Variants in FBXW8 observed in about 807,000 individuals in gnomAD.
The protein encoded by FBXW8 is F-box and WD repeat domain containing 8.
FBXW8 carries 57 observed loss-of-function variants against 65.3 expected under a neutral mutation model. That is an observed-to-expected ratio of 0.87 (90% CI 0.71 to 1.09). FBXW8 has a LOEUF of 1.09. Among genes scored for constraint, FBXW8 ranks in the 50% least tolerant of loss-of-function variants. The probability of loss-of-function intolerance (pLI) is 0.00; values close to 1 mark genes in which losing one functional copy is unlikely to be tolerated. For synonymous variants in FBXW8, 308 were observed against 330.2 expected, an observed-to-expected ratio of 0.93 and a Z score of 0.73; for missense variants, 777 against 814.8, an observed-to-expected ratio of 0.95 and a Z score of 0.57.
At chr12:116,944,903 G>C (rs1882830510) in intron 2 of FBXW8, among the ~76,000 whole-genome samples, 1 of 152,062 alleles carries the variant, frequency 6.6e-6, no homozygotes, top group African/African-American at 2.4e-5. Context: ...TTTTTTACCT[G>C]ACCAGATGTT....
At chr12:116,972,841 C>G (rs893705374) in intron 5 of FBXW8, among the ~76,000 whole-genome samples, 2 of 152,130 alleles carry the variant, frequency 1.3e-5, no homozygotes, top group Non-Finnish European at 2.9e-5. Flanking sequence ...TGTGTCCTGG[C>G]TTTGTTTGCT....
At chr12:116,917,373 C>T (rs1054141814) in intron 1 of FBXW8, among the ~76,000 whole-genome samples, 1 of 152,166 alleles carries the variant, frequency 6.6e-6, no homozygotes, top group Non-Finnish European at 1.5e-5. Context: ...GAGTTAGTTC[C>T]ATTTGAGACT....
intron 8 of FBXW8, among the ~76,000 whole-genome samples, chr12:117,010,968 ACTGGC>A (rs1953791718): frequency 6.6e-6 from 1 of 152,208 alleles, no homozygotes; most frequent in African/African-American, 2.4e-5. Context: ...TCTTTAATGC[ACTGGC>A]TTAGGGAGTC....
intron 2 of FBXW8, among the ~76,000 whole-genome samples, chr12:116,929,273 C>T (rs922727471): frequency 1.3e-5 from 2 of 152,108 alleles, no homozygotes; most frequent in African/African-American, 4.8e-5. Context: ...CTTGCTCTGT[C>T]ACCGAGGCTG....
At chr12:116,924,423 G>A (rs570682233) in intron 1 of FBXW8, among the ~76,000 whole-genome samples, 2 of 152,200 alleles carry the variant, frequency 1.3e-5, no homozygotes, top group South Asian at 2.1e-4. Flanking sequence ...TATTTGTGTT[G>A]TAAACATTCA....
At chr12:116,919,892 G>A (rs1433616258) in intron 1 of FBXW8, among the ~76,000 whole-genome samples, 4 of 152,202 alleles carry the variant, frequency 2.6e-5, no homozygotes, top group African/African-American at 9.7e-5. Context: ...CTGCATCTGT[G>A]TTGCCAACAA....
At chr12:117,018,617 G>A (rs1954015157) in intron 8 of FBXW8, among the ~76,000 whole-genome samples, 1 of 152,160 alleles carries the variant, frequency 6.6e-6, no homozygotes, top group Non-Finnish European at 1.5e-5. Flanking sequence ...AGCCAGAGTG[G>A]TGCTTCTCTA....
At chr12:116,926,950 T>G (rs1455649500) in intron 1 of FBXW8, among the ~76,000 whole-genome samples, 2 of 152,168 alleles carry the variant, frequency 1.3e-5, no homozygotes, top group African/African-American at 2.4e-5. Context: ...ATTTTTTTTT[T>G]GTTTTGAGAC....
intron 6 of FBXW8, chr12:116,985,760 C>T: frequency 1.1e-5 from 2 of 189,470 alleles, no homozygotes; most frequent in Non-Finnish European, 2.2e-5. Context: ...TCAGTTTGAC[C>T]TAATATATAA....
intron 2 of FBXW8, among the ~76,000 whole-genome samples, chr12:116,943,099 C>T (rs1014930478): frequency 5.9e-5 from 9 of 151,936 alleles, no homozygotes; most frequent in Admixed American, 1.3e-4. Flanking sequence ...AGACATTGTT[C>T]TTCTACTTTC....
rs1361587383 is a variant in FBXW8, at chr12:116,988,710, A to G, written c.1080A>G (p.Ala360=). Residue 360 remains alanine, a synonymous_variant, in exon 7 of 11, where the codon GCA becomes GCG. Transcript: ENST00000652555. ...CAGAAACCAGAAGGTACCCTGTGGCAGTAGCCGCTGCTGGAGATCTGATGT... is the reference window on the plus strand; with the variant it reads ...CAGAAACCAGAAGGTACCCTGTGGCGGTAGCCGCTGCTGGAGATCTGATGT... ...IVPETRRYPV[A]VAAAGDLMYL... is the part of the protein sequence containing the mutation. The G allele has an allele frequency of 1.9e-6, 3 of 1,614,184 alleles. No individual in the cohort carries two copies. Among genetic ancestry groups the G allele is most frequent in the Non-Finnish European group, 2.5e-6 (3 of 1,180,038 alleles).
At chr12:117,015,242 C>T (rs370195521) in intron 8 of FBXW8, among the ~76,000 whole-genome samples, 25 of 152,238 alleles carry the variant, frequency 1.6e-4, no homozygotes, top group East Asian at 1.4e-3. Flanking sequence ...CCCTGTACAG[C>T]CACTTCCATG....
intron 7 of FBXW8, among the ~76,000 whole-genome samples, chr12:116,989,543 AG>A (rs1465338181): frequency 6.6e-6 from 1 of 152,246 alleles, no homozygotes; most frequent in Non-Finnish European, 1.5e-5. Context: ...TTGAGCCAAA[AG>A]CAGGAAGACA....
chr12:116,956,182 C>G (rs532183807), intron 4 of FBXW8, among the ~76,000 whole-genome samples: 1 of 152,224 alleles, frequency 6.6e-6, no homozygotes, highest in South Asian at 2.1e-4. Flanking sequence ...ATTTTCTCCC[C>G]TGGTTTCCGC....
Position 116,949,657 on chromosome 12 carries a change from G to A in FBXW8, c.628G>A (p.Asp210Asn), listed in dbSNP as rs145405264. 1 of 1,614,216 alleles carries A rather than the reference G, an allele frequency of 6.2e-7. No individual in the cohort carries two copies. The highest frequency in any genetic ancestry group is 1.7e-5 in the Admixed American group (1 of 60,026). The change falls in exon 4 of 11, where the codon GAC becomes AAC. Residue 210 changes from aspartate (D) to asparagine (N), a missense_variant. Transcript: ENST00000652555. ...CGTGAGCGAGCTGGAGCATGTTCCTGACACAGTTTTGTGTGATGTGCATTC... is the reference window on the plus strand; with the variant it reads ...CGTGAGCGAGCTGGAGCATGTTCCTAACACAGTTTTGTGTGATGTGCATTC... The part of the protein sequence containing the change: ...GAVSELEHVP[D>N]TVLCDVHSHD...
At chr12:116,934,594 G>A (rs950949761) in intron 2 of FBXW8, among the ~76,000 whole-genome samples, 2 of 152,010 alleles carry the variant, frequency 1.3e-5, no homozygotes, top group Admixed American at 1.3e-4. Flanking sequence ...AGGAGTGATG[G>A]CTTTTAGGTA....
At chr12:116,964,092 T>A (rs890986790) in intron 4 of FBXW8, among the ~76,000 whole-genome samples, 6 of 152,196 alleles carry the variant, frequency 3.9e-5, no homozygotes, top group Non-Finnish European at 8.8e-5. Context: ...ATTTTCTAAG[T>A]GGGCAAAACC....
chr12:116,972,879 A>C (rs1012169347), intron 5 of FBXW8, among the ~76,000 whole-genome samples: 1 of 152,218 alleles, frequency 6.6e-6, no homozygotes, highest in African/African-American at 2.4e-5. Context: ...TCAACAGCCC[A>C]GCTGTTGAAA....
chr12:116,962,088 A>T (rs1884018423), intron 4 of FBXW8, among the ~76,000 whole-genome samples: 1 of 152,102 alleles, frequency 6.6e-6, no homozygotes, highest in Admixed American at 6.6e-5. Flanking sequence ...GGGACTGATG[A>T]TCCCATTGAT....
Sources: gnomAD v4.1 joint callset for allele counts (sites outside exome capture counted in the v4.1 genomes callset) on GRCh38, gnomAD v4.1.1 for gene constraint, MANE v1.5 for transcripts, NCBI Gene and HGNC (gene_info 2026-07-23, HGNC 2026-07-21) for gene names.